ARHGAP26: variants seen among roughly 807,000 people sequenced by gnomAD.
ARHGAP26 encodes the protein rho GTPase-activating protein 26.
Under a neutral mutation model 104.8 loss-of-function variants are expected in ARHGAP26, and 38 were observed. The ratio of observed to expected loss-of-function variants is 0.36; its 90% confidence interval spans 0.28 to 0.48. ARHGAP26 has a LOEUF of 0.48. Among genes scored for constraint, ARHGAP26 ranks in the 20% least tolerant of loss-of-function variants. The probability of loss-of-function intolerance (pLI) is 0.99; values close to 1 mark genes in which losing one functional copy is unlikely to be tolerated. For synonymous variants in ARHGAP26, 341 were observed against 340.0 expected, an observed-to-expected ratio of 1.00 and a Z score of -0.03; for missense variants, 704 against 947.9, an observed-to-expected ratio of 0.74 and a Z score of 3.38.
At chr5:142,823,304 C>T (rs437716) in intron 1 of ARHGAP26, among the ~76,000 whole-genome samples, 1 of 152,206 alleles carries the variant, frequency 6.6e-6, no homozygotes, top group African/African-American at 2.4e-5. Flanking sequence ...CTGCATGGCT[C>T]CTGTAACATG....
At chr5:143,118,131 T>C (rs1795712514) in intron 17 of ARHGAP26, among the ~76,000 whole-genome samples, 1 of 152,150 alleles carries the variant, frequency 6.6e-6, no homozygotes, top group Non-Finnish European at 1.5e-5. Context: ...GAGCCTTGCA[T>C]ATTAACAGTT....
In ARHGAP26 at chr5:142,886,000, G is replaced by T. The variant is rs868472688; in HGVS notation, c.486+601G>T. Reference sequence around the variant, plus strand: ...TTTGCATGGTGTCTTTTAAAAAGTAGTTCACTTGGAAAGAAAAATGATGGA... The same window carrying T: ...TTTGCATGGTGTCTTTTAAAAAGTATTTCACTTGGAAAGAAAAATGATGGA... On this transcript the variant is annotated intron_variant, in intron 5 of 22. Transcript: ENST00000645722. Among the ~76,000 whole-genome samples, 134 of 152,274 alleles carry T rather than the reference G, an allele frequency of 8.8e-4. 1 individual carries two copies. Among genetic ancestry groups the T allele is most frequent in the African/African-American group, 3.0e-3 (124 of 41,546 alleles).
chr5:142,942,065 A>G (rs939250594), intron 11 of ARHGAP26, among the ~76,000 whole-genome samples: 2 of 152,040 alleles, frequency 1.3e-5, no homozygotes, highest in Non-Finnish European at 2.9e-5. Context: ...CAGAGTAAGC[A>G]TTCAGCAAGT....
chr5:143,058,092 C>G, intron 17 of ARHGAP26: 1 of 479,212 alleles, frequency 2.1e-6, no homozygotes, highest in South Asian at 1.9e-5. Context: ...TTATGCTCAT[C>G]AAGAACAAAC....
At chr5:143,185,085 A>G (rs1804944160) in intron 20 of ARHGAP26, among the ~76,000 whole-genome samples, 1 of 152,218 alleles carries the variant, frequency 6.6e-6, no homozygotes. Context: ...TCACACAGCC[A>G]TGAACTACAA....
At position 142,861,282 on chromosome 5, in the gene ARHGAP26, A is replaced by G. The variant is rs184162562; in HGVS notation, c.155-12118A>G. ...AGAAAAGTGACTAATTAAAGAGGGG[A>G]TAAAAGAAAGTGAAACCAATTTCTG... On this transcript the variant is annotated intron_variant, in intron 1 of 22. Transcript: ENST00000645722. Among the ~76,000 whole-genome samples the G allele has an allele frequency of 3.1e-3, 473 of 152,216 alleles. 3 individuals carry two copies. Among genetic ancestry groups the G allele is most frequent in the African/African-American group, 0.011 (450 of 41,524 alleles).
At chr5:142,950,525 A>G (rs1197831284) in intron 11 of ARHGAP26, among the ~76,000 whole-genome samples, 2 of 152,132 alleles carry the variant, frequency 1.3e-5, no homozygotes, top group African/African-American at 2.4e-5. Flanking sequence ...CCTGGTTCAC[A>G]CAAGAAATCC....
intron 22 of ARHGAP26, among the ~76,000 whole-genome samples, chr5:143,217,892 T>G (rs1291832743): frequency 6.6e-6 from 1 of 152,188 alleles, no homozygotes; most frequent in African/African-American, 2.4e-5. Context: ...ATTTCCTGCT[T>G]AAAATCTATC....
intron 1 of ARHGAP26, among the ~76,000 whole-genome samples, chr5:142,788,397 CAA>C (rs2151893937): frequency 6.6e-6 from 1 of 152,220 alleles, no homozygotes; most frequent in Admixed American, 6.5e-5. Flanking sequence ...ACCTTGGGGA[CAA>C]AGAGAAGATA....
chr5:143,192,653 G>C (rs1279551685), intron 20 of ARHGAP26: 1 of 152,232 alleles, frequency 6.6e-6, no homozygotes, highest in Non-Finnish European at 1.5e-5. Flanking sequence ...AGTACTGAGA[G>C]GGGAGTTGGG....
At chr5:142,845,030 C>T (rs1486049529) in intron 1 of ARHGAP26, among the ~76,000 whole-genome samples, 8 of 152,122 alleles carry the variant, frequency 5.3e-5, no homozygotes, top group African/African-American at 1.2e-4. Flanking sequence ...CTCCTCCGTT[C>T]GCTAGTGAGC....
At chr5:143,210,475 A>G (rs1430288175) in intron 21 of ARHGAP26, among the ~76,000 whole-genome samples, 5 of 152,110 alleles carry the variant, frequency 3.3e-5, no homozygotes, top group African/African-American at 4.8e-5. Context: ...TCTTCAAACC[A>G]TTTATAGACC....
intron 9 of ARHGAP26, among the ~76,000 whole-genome samples, chr5:142,910,607 C>T (rs1244975480): frequency 2.6e-5 from 4 of 152,146 alleles, no homozygotes; most frequent in Non-Finnish European, 5.9e-5. Flanking sequence ...GGTGCAGTGG[C>T]GCATGCCTGT....
At chr5:142,909,814 C>T (rs1321550144) in intron 9 of ARHGAP26, among the ~76,000 whole-genome samples, 1 of 152,190 alleles carries the variant, frequency 6.6e-6, no homozygotes, top group Non-Finnish European at 1.5e-5. Flanking sequence ...ATCAGCTTCA[C>T]CAAATTGTTC....
intron 13 of ARHGAP26, among the ~76,000 whole-genome samples, chr5:143,037,993 G>T (rs1479864967): frequency 6.6e-6 from 1 of 152,210 alleles, no homozygotes; most frequent in African/African-American, 2.4e-5. Flanking sequence ...CATCCTGATG[G>T]TCTCCATCCC....
At chr5:142,853,332 A>G (rs182634369) in intron 1 of ARHGAP26, among the ~76,000 whole-genome samples, 1 of 152,206 alleles carries the variant, frequency 6.6e-6, no homozygotes, top group Admixed American at 6.5e-5. Flanking sequence ...CGGGGACTGC[A>G]GGCATGTGTC....
chr5:143,132,615 A>G (rs1422115626), intron 18 of ARHGAP26, among the ~76,000 whole-genome samples: 5 of 152,170 alleles, frequency 3.3e-5, no homozygotes, highest in Non-Finnish European at 5.9e-5. Context: ...TATAATTTCA[A>G]TGATGAAAAG....
chr5:142,795,538 A>T (rs1760813178), intron 1 of ARHGAP26, among the ~76,000 whole-genome samples: 1 of 152,180 alleles, frequency 6.6e-6, no homozygotes, highest in Admixed American at 6.5e-5. Context: ...CCCACATTTT[A>T]ATCCATATTT....
At chr5:143,206,164 C>G (rs1031004150) in intron 20 of ARHGAP26, among the ~76,000 whole-genome samples, 8 of 152,196 alleles carry the variant, frequency 5.3e-5, no homozygotes, top group African/African-American at 1.4e-4. Context: ...AAGTCTGTTC[C>G]CCTTGAACCG....
Sources: allele counts gnomAD v4.1 joint callset (sites outside exome capture counted in the v4.1 genomes callset), GRCh38; gene constraint gnomAD v4.1.1; transcripts MANE v1.5; gene names NCBI Gene and HGNC (gene_info 2026-07-23, HGNC 2026-07-21).